Variants in AKAP6 observed in about 807,000 individuals in gnomAD.
The protein encoded by AKAP6 is A-kinase anchor protein 6.
AKAP6 carries 58 observed loss-of-function variants against 188.5 expected under a neutral mutation model. That is an observed-to-expected ratio of 0.31 (90% confidence interval 0.25 to 0.38). The LOEUF (loss-of-function observed/expected upper bound fraction) is 0.38, where lower values mean the gene tolerates loss of function less well. Ranked by LOEUF, AKAP6 falls within the 10% of genes least tolerant of loss-of-function variation. AKAP6 has a pLI of 1.00. For synonymous variants in AKAP6, 989 were observed against 998.6 expected, an observed-to-expected ratio of 0.99 and a Z score of 0.18; for missense variants, 2,710 against 2,740.0, an observed-to-expected ratio of 0.99 and a Z score of 0.24.
chr14:32,788,018 G>T (rs2033478380), intron 12 of AKAP6, among the ~76,000 whole-genome samples: 2 of 135,958 alleles, frequency 1.5e-5, no homozygotes, highest in Non-Finnish European at 3.1e-5. Context: ...TCTAGCCTGG[G>T]CAACAGAGTG....
intron 2 of AKAP6, among the ~76,000 whole-genome samples, chr14:32,480,869 C>A (rs1276188858): frequency 6.6e-6 from 1 of 152,040 alleles, no homozygotes; most frequent in African/African-American, 2.4e-5. Flanking sequence ...ACACACAATT[C>A]ATATTTACAG....
At chr14:32,340,216 TTTAA>T (rs1886847118) in intron 1 of AKAP6, among the ~76,000 whole-genome samples, 1 of 151,928 alleles carries the variant, frequency 6.6e-6, no homozygotes, top group African/African-American at 2.4e-5. Flanking sequence ...TTAAATGTTA[TTTAA>T]TATATTAAAT....
At chr14:32,595,101 T>A (rs766208785) in intron 5 of AKAP6, among the ~76,000 whole-genome samples, 1 of 152,140 alleles carries the variant, frequency 6.6e-6, no homozygotes, top group Non-Finnish European at 1.5e-5. Context: ...CGCAGAAACA[T>A]CTGGCCTGTA....
chr14:32,360,420 C>T (rs185548909), intron 1 of AKAP6, among the ~76,000 whole-genome samples: 26 of 152,274 alleles, frequency 1.7e-4, no homozygotes, highest in Admixed American at 1.4e-3. Context: ...AGCCACCGCG[C>T]CTGGCCTATC....
Position 32,824,815 on chromosome 14 carries a change from G to A in AKAP6, c.*42G>A, listed in dbSNP as rs777438131. The A allele has an allele frequency of 5.1e-6, 8 of 1,572,692 alleles. No individual in the cohort carries two copies. Among genetic ancestry groups the A allele is most frequent in the South Asian group, 1.2e-5 (1 of 82,410 alleles). ...AAGCATGAAAATCATCTCACTGAAA[G>A]GTACGTATAGTCCTCATGCCGTATA... On this transcript the variant is annotated splice_region_variant and 3_prime_UTR_variant, in exon 13 of 14. Coordinates refer to ENST00000280979, the MANE Select transcript of AKAP6 (RefSeq NM_004274.5).
chr14:32,385,170 G>C (rs1041887040), intron 1 of AKAP6: 3 of 149,538 alleles, frequency 2.0e-5, no homozygotes, highest in African/African-American at 7.4e-5. Flanking sequence ...GTAGATGTAA[G>C]AGACATTTTT....
chr14:32,732,579 T>G lies in AKAP6; in HGVS notation c.3126T>G (p.Asn1042Lys). The change falls in exon 10 of 14, where the codon AAT becomes AAG. Residue 1042 changes from asparagine (N) to lysine (K), a missense_variant. By Grantham distance (94) the Asn-to-Lys change is moderately conservative (BLOSUM62 0). Transcript: ENST00000280979. ...NDLLEKVDSI[N>K]EKWELLGKTL... ...TCCTTGAAAAAGTGGATTCAATTAA[T>G]GAAAAATGGGAACTGCTTGGGGTAT... is the stretch of plus-strand genomic sequence containing the variant. The G allele has an allele frequency of 8.7e-6, 14 of 1,613,616 alleles. No homozygotes were observed. Among genetic ancestry groups the G allele is most frequent in the Non-Finnish European group, 1.1e-5 (13 of 1,179,708 alleles).
intron 7 of AKAP6, among the ~76,000 whole-genome samples, chr14:32,654,514 A>C (rs1009369392): frequency 1.2e-4 from 18 of 152,274 alleles, no homozygotes; most frequent in Admixed American, 7.9e-4. Context: ...GAAATATACC[A>C]GACTGATAGT....
At chr14:32,459,334 C>A (rs1048589669) in intron 2 of AKAP6, among the ~76,000 whole-genome samples, 3 of 151,728 alleles carry the variant, frequency 2.0e-5, no homozygotes, top group Non-Finnish European at 2.9e-5. Context: ...TGAATATTTG[C>A]CAAACTATAC....
intron 7 of AKAP6, among the ~76,000 whole-genome samples, chr14:32,649,203 C>G (rs1395670222): frequency 1.3e-5 from 2 of 152,030 alleles, no homozygotes; most frequent in African/African-American, 4.8e-5. Flanking sequence ...ATATTTCTAG[C>G]ATTTTAATTA....
At chr14:32,775,144 G>GT (rs927762708) in intron 12 of AKAP6, among the ~76,000 whole-genome samples, 1 of 152,058 alleles carries the variant, frequency 6.6e-6, no homozygotes, top group Non-Finnish European at 1.5e-5. Flanking sequence ...GAAATGACCT[G>GT]TTTTTTTGTA....
intron 1 of AKAP6, among the ~76,000 whole-genome samples, chr14:32,385,870 C>T (rs1162098035): frequency 6.7e-6 from 1 of 148,960 alleles, no homozygotes; most frequent in African/African-American, 2.5e-5. Flanking sequence ...ATATCTTACA[C>T]ATATATCATA....
chr14:32,702,354 T>C (rs1157744957), intron 9 of AKAP6, among the ~76,000 whole-genome samples: 1 of 152,174 alleles, frequency 6.6e-6, no homozygotes, highest in Non-Finnish European at 1.5e-5. Context: ...TCATATTAAT[T>C]TGAGCTTTGA....
intron 7 of AKAP6, among the ~76,000 whole-genome samples, chr14:32,673,421 A>G (rs971812171): frequency 6.6e-6 from 1 of 152,228 alleles, no homozygotes; most frequent in Non-Finnish European, 1.5e-5. Flanking sequence ...AGAAAGTCTC[A>G]GTAAACATAT....
At chr14:32,394,422 G>A (rs1888807620) in intron 1 of AKAP6, among the ~76,000 whole-genome samples, 1 of 152,190 alleles carries the variant, frequency 6.6e-6, no homozygotes, top group African/African-American at 2.4e-5. Context: ...GTGGAGTAGA[G>A]TACGACCTGT....
intron 11 of AKAP6, among the ~76,000 whole-genome samples, chr14:32,751,528 G>C (rs1185177049): frequency 3.9e-5 from 5 of 128,712 alleles, no homozygotes; most frequent in African/African-American, 1.3e-4. Context: ...TGGGAACTTG[G>C]TGAGTCCTAA....
chr14:32,444,021 TATTGAGCCTGGTGGAAACAC>T (rs1252054466), intron 2 of AKAP6, among the ~76,000 whole-genome samples: 2 of 152,138 alleles, frequency 1.3e-5, no homozygotes, highest in Non-Finnish European at 2.9e-5. Flanking sequence ...ATATACATAT[TATTGAGCCTGGTGGAAACAC>T]ATTATGAAAG....
intron 9 of AKAP6, among the ~76,000 whole-genome samples, chr14:32,698,643 G>A (rs1234058625): frequency 1.3e-5 from 2 of 151,934 alleles, no homozygotes; most frequent in Non-Finnish European, 2.9e-5. Context: ...CCATTTTACA[G>A]CATTTCCCAG....
At chr14:32,378,172 T>A (rs1888221729) in intron 1 of AKAP6, among the ~76,000 whole-genome samples, 1 of 126,554 alleles carries the variant, frequency 7.9e-6, no homozygotes. Context: ...AAAACCTAAT[T>A]GTCATGGCTG....
Sources: allele counts gnomAD v4.1 joint callset (sites outside exome capture counted in the v4.1 genomes callset), GRCh38; gene constraint gnomAD v4.1.1; transcripts MANE v1.5; gene names NCBI Gene and HGNC (gene_info 2026-07-23, HGNC 2026-07-21).